Variants in SYCP2L observed in about 807,000 individuals in gnomAD.
The protein encoded by SYCP2L is synaptonemal complex protein 2-like.
In SYCP2L, 98 loss-of-function variants were observed where a neutral mutation model predicts 125.8. That is an observed-to-expected ratio of 0.78 (90% CI 0.66 to 0.92). The LOEUF (loss-of-function observed/expected upper bound fraction) is 0.92. SYCP2L is among the 40% of genes least tolerant of loss of function. The pLI is 0.00. For missense variants in SYCP2L, 842 were observed against 936.4 expected, an observed-to-expected ratio of 0.90 and a Z score of 1.32; for synonymous variants, 317 against 325.4, an observed-to-expected ratio of 0.97 and a Z score of 0.28.
chr6:10,970,074 C>T (rs1373765503), intron 29 of SYCP2L, among the ~76,000 whole-genome samples: 1 of 152,134 alleles, frequency 6.6e-6, no homozygotes, highest in Non-Finnish European at 1.5e-5. Context: ...GATGAGGATT[C>T]ATGCCAGTGC....
At chr6:10,955,908 G>T (rs559492058) in intron 24 of SYCP2L, among the ~76,000 whole-genome samples, 13 of 152,256 alleles carry the variant, frequency 8.5e-5, no homozygotes, top group African/African-American at 2.4e-4. Flanking sequence ...ACAACACCTT[G>T]GCCTGCTTCT....
At chr6:10,963,676 T>C (rs1781628710) in intron 28 of SYCP2L, 106 bp from the exon 29 acceptor site, 2 of 1,105,446 alleles carry the variant, frequency 1.8e-6, no homozygotes, top group East Asian at 2.5e-5. Flanking sequence ...TTAAGTAATA[T>C]AATGGTCTGT....
intron 26 of SYCP2L, among the ~76,000 whole-genome samples, chr6:10,960,336 T>C (rs4713081): frequency 0.98 from 149,623 of 152,306 alleles, 73,513 homozygotes; most frequent in African/African-American, 1. Flanking sequence ...GACTTTGGAT[T>C]GGTGGAATTC....
At chr6:10,958,653 A>C (rs1297168130) in intron 25 of SYCP2L, 131 bp from the exon 26 acceptor site, 1 of 788,090 alleles carries the variant, frequency 1.3e-6, no homozygotes, top group Admixed American at 2.8e-5. Flanking sequence ...ATGCCTGATC[A>C]CACTTGCTTA....
chr6:10,898,100 C>G lies in SYCP2L; in HGVS notation c.426C>G (p.Phe142Leu). ...CGCTGATTTGTGTTATAGAAGATTT[C>G]TTTGACACTGCATTGGTAAGGATGG... ...DTSLICVIED[F>L]FDTALIISRS... Residue 142 changes from phenylalanine (F) to leucine (L), a missense_variant, in exon 5 of 30, where the codon TTC (phenylalanine) becomes TTG (leucine). Phe to Leu is a conservative substitution (Grantham distance 22). Transcript: ENST00000283141. 1 of 1,613,484 alleles carries G rather than the reference C, an allele frequency of 6.2e-7. No homozygotes were observed.
chr6:10,893,977 A>G lies in SYCP2L; in HGVS notation c.189A>G (p.Leu63=). The G allele has an allele frequency of 6.2e-7, 1 of 1,611,714 alleles. No homozygotes were observed. Among genetic ancestry groups the G allele is most frequent in the Non-Finnish European group, 8.5e-7 (1 of 1,179,496 alleles). The change falls in exon 3 of 30, where the codon TTA becomes TTG. Residue 63 remains leucine (L), a synonymous_variant. Transcript: ENST00000283141. The stretch of plus-strand genomic sequence containing the variant: ...CTCAAAAATATAATCGTCTTCTATT[A>G]TACCGTCTTGACAGATCAATAAATA... The part of the protein sequence containing the change: ...HFPQKYNRLL[L]YRLDRSINKE...
chr6:10,891,548 C>T lies in SYCP2L; in HGVS notation c.45C>T (p.Asp15=), dbSNP rs1538441. Residue 15 remains aspartate (D), a synonymous_variant, in exon 2 of 30, where the codon GAC becomes GAT. Transcript: ENST00000283141. ...ATGCTTTGCAGCCTATTAAGGAAGA[C>T]AGGACTGGGAAGGCCCAGGATGATG... ...NKDALQPIKE[D]RTGKAQDDAF... The T allele has an allele frequency of 1, 1,600,731 of 1,604,072 alleles. 798,750 individuals carry two copies. Among genetic ancestry groups the T allele is most frequent in the East Asian group, 1 (44,702 of 44,702 alleles).
chr6:10,961,348 T>C lies in SYCP2L; in HGVS notation c.2299T>C (p.Leu767=). ...CTTTCAAAATTTGGTTCTTCAAGAG[T>C]TGAGCAGTCTTAAGCAGGATATTCA... ...ERFQNLVLQE[L]SSLKQDIQAL... The change falls in exon 27 of 30, where the codon TTG becomes CTG. Residue 767 remains leucine, a synonymous_variant. Coordinates refer to ENST00000283141, the MANE Select transcript of SYCP2L (RefSeq NM_001040274.3). 1 of 1,614,142 alleles carries C rather than the reference T, an allele frequency of 6.2e-7. No homozygotes were observed. Among genetic ancestry groups the C allele is most frequent in the Non-Finnish European group, 8.5e-7 (1 of 1,180,022 alleles).
intron 21 of SYCP2L, among the ~76,000 whole-genome samples, chr6:10,940,133 G>T (rs994225226): frequency 4.6e-5 from 7 of 152,156 alleles, no homozygotes; most frequent in Non-Finnish European, 8.8e-5. Context: ...AAACCATAAT[G>T]TGATATCTCA....
At chr6:10,926,465 A>G in intron 16 of SYCP2L, 33 bp downstream of exon 16, 1 of 1,544,704 alleles carries the variant, frequency 6.5e-7, no homozygotes, top group African/African-American at 1.4e-5. Context: ...TCTGACCCTG[A>G]GTTTTCTGTA....
At position 10,958,881 on chromosome 6, in the gene SYCP2L, T is replaced by A. The variant is rs780393168; in HGVS notation, c.2255+6T>A. On this transcript the variant is annotated splice_donor_region_variant and intron_variant, in intron 26 of 29. Transcript: ENST00000283141. ...AACCAGATGCAACTGTTCAGGTAAG[T>A]TTTAGGTTTCAAAACAAGGTCGTGG... 1.9e-6 allele frequency: 3 copies of A among 1,613,164 alleles called. No homozygotes were observed. The highest frequency in any genetic ancestry group is 2.2e-5 in the East Asian group (1 of 44,864).
At chr6:10,934,939 C>A in intron 20 of SYCP2L, 119 bp from the exon 21 acceptor site, 1 of 950,174 alleles carries the variant, frequency 1.1e-6, no homozygotes, top group Non-Finnish European at 1.5e-6. Context: ...CATTTATTTT[C>A]AAATGGAGTA....
intron 29 of SYCP2L, among the ~76,000 whole-genome samples, chr6:10,966,040 G>T (rs1168719236): frequency 6.6e-6 from 1 of 152,156 alleles, no homozygotes; most frequent in South Asian, 2.1e-4. Flanking sequence ...TTGAACCCAG[G>T]AGGCAGAGGT....
chr6:10,887,207 G>A, intron 1 of SYCP2L, 72 bp downstream of exon 1: 1 of 1,602,780 alleles, frequency 6.2e-7, no homozygotes, highest in East Asian at 2.2e-5. Flanking sequence ...GGGTCCCTGG[G>A]GCTCAGGTTC....
At chr6:10,913,359 G>C (rs527597073) in intron 14 of SYCP2L, among the ~76,000 whole-genome samples, 1 of 152,322 alleles carries the variant, frequency 6.6e-6, no homozygotes, top group Admixed American at 6.5e-5. Flanking sequence ...ATGGCTGTCA[G>C]GAAATGAAGG....
At position 10,931,522 on chromosome 6, in the gene SYCP2L, C is replaced by T. The variant is rs776178821; in HGVS notation, c.1683+33C>T. 5 of 1,600,920 alleles carry T rather than the reference C, an allele frequency of 3.1e-6. No homozygotes were observed. The South Asian group carries it at 4.4e-5, about 14-fold the overall frequency. On this transcript the variant is annotated intron_variant, in intron 20 of 29. Transcript: ENST00000283141. Reference sequence around the variant, plus strand: ...CATTGTATCTGGGTTGCTGTGTGCCCTGTGAGTTAAACTGCATTTATTTCT... The same window carrying T: ...CATTGTATCTGGGTTGCTGTGTGCCTTGTGAGTTAAACTGCATTTATTTCT...
At chr6:10,900,587 A>G (rs1233798569) in intron 6 of SYCP2L, among the ~76,000 whole-genome samples, 2 of 152,102 alleles carry the variant, frequency 1.3e-5, no homozygotes, top group Non-Finnish European at 2.9e-5. Flanking sequence ...TCCTGACCCC[A>G]GGTGATCCAC....
At chr6:10,945,730 A>G (rs1480575126) in intron 23 of SYCP2L, among the ~76,000 whole-genome samples, 14 of 142,444 alleles carry the variant, frequency 9.8e-5, no homozygotes, top group African/African-American at 3.7e-4. Context: ...AGATCGTGCC[A>G]TGGCACTCCA....
chr6:10,913,042 A>C, intron 14 of SYCP2L, 115 bp downstream of exon 14: 1 of 959,498 alleles, frequency 1.0e-6, no homozygotes, highest in African/African-American at 1.6e-5. Context: ...TGAGGTAGGA[A>C]GGCTGTATGG....
Sources: gnomAD v4.1 joint callset for allele counts (sites outside exome capture counted in the v4.1 genomes callset) on GRCh38, gnomAD v4.1.1 for gene constraint, MANE v1.5 for transcripts, NCBI Gene and HGNC (gene_info 2026-07-23, HGNC 2026-07-21) for gene names.